PDSS2: variants seen among roughly 807,000 people sequenced by gnomAD.
PDSS2 encodes the protein all trans-polyprenyl-diphosphate synthase PDSS2.
Under a neutral mutation model 44.5 loss-of-function variants are expected in PDSS2, and 31 were observed. The ratio of observed to expected loss-of-function variants is 0.70; its 90% CI spans 0.52 to 0.94. The LOEUF is 0.94. Among genes scored for constraint, PDSS2 ranks in the 40% least tolerant of loss-of-function variants. PDSS2 has a pLI of 0.00. For synonymous variants in PDSS2, 157 were observed against 180.3 expected, an observed-to-expected ratio of 0.87 and a Z score of 1.03; for missense variants, 452 against 482.2, an observed-to-expected ratio of 0.94 and a Z score of 0.59.
intron 4 of PDSS2, among the ~76,000 whole-genome samples, chr6:107,244,900 A>G (rs1424871025): frequency 5.9e-5 from 9 of 152,330 alleles, no homozygotes; most frequent in Non-Finnish European, 1.0e-4. Context: ...GTGATGGTCA[A>G]TGAAGCAATT....
intron 1 of PDSS2, among the ~76,000 whole-genome samples, chr6:107,433,246 C>A (rs751434330): frequency 7.6e-6 from 1 of 131,048 alleles, no homozygotes; most frequent in African/African-American, 2.8e-5. Context: ...ATGCAACATT[C>A]TTCACAGAAA....
intron 1 of PDSS2, among the ~76,000 whole-genome samples, chr6:107,380,517 A>C (rs1779424214): frequency 6.6e-6 from 1 of 152,182 alleles, no homozygotes; most frequent in Non-Finnish European, 1.5e-5. Flanking sequence ...CAAATGCATG[A>C]GGGGATTTTT....
chr6:107,324,914 GGATA>G (rs1483318010), intron 2 of PDSS2, among the ~76,000 whole-genome samples: 5 of 152,048 alleles, frequency 3.3e-5, no homozygotes, highest in Non-Finnish European at 4.4e-5. Context: ...AGGTGAGGAT[GGATA>G]GATAGTCACA....
At chr6:107,222,634 G>T (rs1484646306) in intron 4 of PDSS2, among the ~76,000 whole-genome samples, 1 of 142,276 alleles carries the variant, frequency 7.0e-6, no homozygotes, top group Non-Finnish European at 1.5e-5. Flanking sequence ...CAGCCTGGGT[G>T]ACAGAGCAAG....
chr6:107,366,896 T>C (rs1778975224), intron 1 of PDSS2, among the ~76,000 whole-genome samples: 2 of 152,114 alleles, frequency 1.3e-5, no homozygotes, highest in Non-Finnish European at 2.9e-5. Context: ...GCGCAGATGG[T>C]TTTGCTTGCA....
chr6:107,218,395 C>A (rs4945774), intron 4 of PDSS2, among the ~76,000 whole-genome samples: 115,570 of 152,070 alleles, frequency 0.76, 44,639 homozygotes, highest in East Asian at 0.99. Context: ...ACTCTCTAGA[C>A]GTTTGCATGG....
At chr6:107,170,393 G>A (rs1364870031) in intron 7 of PDSS2, among the ~76,000 whole-genome samples, 5 of 152,238 alleles carry the variant, frequency 3.3e-5, no homozygotes, top group South Asian at 2.1e-4. Context: ...CGCTTGGCTC[G>A]GAAAGGGAAT....
At chr6:107,445,115 C>A (rs1250614708) in intron 1 of PDSS2, among the ~76,000 whole-genome samples, 4 of 151,716 alleles carry the variant, frequency 2.6e-5, no homozygotes, top group Non-Finnish European at 5.9e-5. Flanking sequence ...ACTAAAAGTA[C>A]TTAAATTTTA....
At chr6:107,350,587 G>A (rs1778401512) in intron 1 of PDSS2, among the ~76,000 whole-genome samples, 1 of 152,188 alleles carries the variant, frequency 6.6e-6, no homozygotes, top group Non-Finnish European at 1.5e-5. Flanking sequence ...TGAGGGAGAA[G>A]GCCAGGATTT....
At chr6:107,321,273 T>C (rs1217831822) in intron 2 of PDSS2, among the ~76,000 whole-genome samples, 1 of 152,100 alleles carries the variant, frequency 6.6e-6, no homozygotes, top group Non-Finnish European at 1.5e-5. Context: ...TACTATAAAA[T>C]AGACGAGAAG....
chr6:107,273,935 T>C, intron 3 of PDSS2, 94 bp downstream of exon 3: 4 of 903,816 alleles, frequency 4.4e-6, no homozygotes, highest in Non-Finnish European at 7.4e-6. Flanking sequence ...ATGAGGGGAG[T>C]TGGGGCAGCC....
intron 3 of PDSS2, among the ~76,000 whole-genome samples, chr6:107,254,606 C>A (rs1023475030): frequency 6.6e-6 from 1 of 152,160 alleles, no homozygotes; most frequent in African/African-American, 2.4e-5. Context: ...ATATACCATT[C>A]TCAGTATGTT....
rs571255302 is a variant in PDSS2, at chr6:107,307,896, C to T, written c.431+26302G>A. Among the ~76,000 whole-genome samples the T allele has an allele frequency of 3.9e-5, 6 of 152,302 alleles. No individual in the cohort carries two copies. The East Asian group carries it at 9.6e-4, about 24-fold the overall frequency. On this transcript the variant is annotated intron_variant, in intron 2 of 7. Coordinates refer to ENST00000369037, the MANE Select transcript of PDSS2 (RefSeq NM_020381.4). The stretch of plus-strand genomic sequence containing the variant: ...TTTTACAAATACTGATGACTCCTCT[C>T]TTTACAAATGAGTGTATTTGTAAGT...
At chr6:107,455,759 A>G in intron 1 of PDSS2, among the ~76,000 whole-genome samples, 1 of 146,756 alleles carries the variant, frequency 6.8e-6, no homozygotes, top group East Asian at 2.5e-4. Flanking sequence ...TGTCTCAAAA[A>G]AAAAAAAAAA....
chr6:107,391,213 A>C (rs371666450), intron 1 of PDSS2, among the ~76,000 whole-genome samples: 32 of 152,244 alleles, frequency 2.1e-4, no homozygotes, highest in African/African-American at 7.7e-4. Context: ...TCTTAAGATC[A>C]GTGGTGAACC....
chr6:107,437,400 C>G (rs749955031), intron 1 of PDSS2, among the ~76,000 whole-genome samples: 1 of 151,888 alleles, frequency 6.6e-6, no homozygotes, highest in Admixed American at 6.6e-5. Context: ...TGGCGCACAC[C>G]TATAGTCCCA....
chr6:107,160,497 G>A (rs1771085173), intron 7 of PDSS2, among the ~76,000 whole-genome samples: 1 of 150,498 alleles, frequency 6.6e-6, no homozygotes, highest in Non-Finnish European at 1.5e-5. Context: ...ACAGGGACCT[G>A]CCACCACACC....
chr6:107,207,541 T>G (rs1773024380), intron 6 of PDSS2, among the ~76,000 whole-genome samples: 1 of 152,034 alleles, frequency 6.6e-6, no homozygotes, highest in Non-Finnish European at 1.5e-5. Flanking sequence ...AAGATGGTTA[T>G]CTTATAAAGC....
At chr6:107,298,120 T>G (rs919644162) in intron 2 of PDSS2, among the ~76,000 whole-genome samples, 3 of 152,230 alleles carry the variant, frequency 2.0e-5, no homozygotes, top group African/African-American at 7.2e-5. Context: ...AAAACTGGGA[T>G]AGTGCATTCA....
Sources: gnomAD v4.1 joint callset for allele counts (sites outside exome capture counted in the v4.1 genomes callset) on GRCh38, gnomAD v4.1.1 for gene constraint, MANE v1.5 for transcripts, NCBI Gene and HGNC (gene_info 2026-07-23, HGNC 2026-07-21) for gene names.